The following DST variants were observed in gnomAD, a reference collection of about 807,000 sequenced individuals.
The protein encoded by DST is dystonin, also known as bullous pemphigoid antigen.
A neutral mutation model predicts 875.2 loss-of-function variants in DST; 253 were observed. That is an observed-to-expected ratio of 0.29 (90% CI 0.26 to 0.32). The LOEUF is 0.32. DST is among the 10% of genes least tolerant of loss of function. The probability of loss-of-function intolerance (pLI) is 1.00; values close to 1 mark genes in which losing one functional copy is unlikely to be tolerated. For synonymous variants in DST, 3,124 were observed against 3,197.1 expected, an observed-to-expected ratio of 0.98 and a Z score of 0.77; for missense variants, 8,287 against 9,111.6, an observed-to-expected ratio of 0.91 and a Z score of 3.68.
intron 15 of DST, chr6:56,642,804 G>A (rs746615493): frequency 8.7e-6 from 14 of 1,613,414 alleles, no homozygotes; most frequent in South Asian, 1.1e-5. Context: ...TTCCTGAAAC[G>A]ATGTTCTTTC....
intron 72 of DST, among the ~76,000 whole-genome samples, chr6:56,512,678 T>C (rs1162550952): frequency 2.0e-5 from 3 of 152,214 alleles, no homozygotes; most frequent in Admixed American, 1.3e-4. Flanking sequence ...TAGATTTTTA[T>C]TGAAAGTGTC....
At chr6:56,742,158 A>G (rs888441252) in intron 4 of DST, 3 of 607,836 alleles carry the variant, frequency 4.9e-6, no homozygotes, top group African/African-American at 1.9e-5. Flanking sequence ...CAGGTTTTCG[A>G]AAGATGCCCG....
At chr6:56,803,389 A>G (rs2099749550) in intron 4 of DST, among the ~76,000 whole-genome samples, 1 of 152,152 alleles carries the variant, frequency 6.6e-6, no homozygotes, top group African/African-American at 2.4e-5. Context: ...TAGTGACACT[A>G]TTGATTAAAT....
chr6:56,647,754 C>T (rs1201252967), intron 13 of DST, among the ~76,000 whole-genome samples: 2 of 150,408 alleles, frequency 1.3e-5, no homozygotes, highest in East Asian at 1.9e-4. Flanking sequence ...GATGCGATCT[C>T]GGCTTACTGC....
At chr6:56,550,289 A>G (rs1206623440) in intron 61 of DST, among the ~76,000 whole-genome samples, 2 of 152,108 alleles carry the variant, frequency 1.3e-5, no homozygotes, top group Admixed American at 6.6e-5. Flanking sequence ...GTATGCCATG[A>G]TGTTCTTTAT....
At chr6:56,643,079 T>A (rs536979698) in intron 15 of DST, 96 of 470,888 alleles carry the variant, frequency 2.0e-4, no homozygotes, top group African/African-American at 1.7e-3. Flanking sequence ...TGGGCGTCAC[T>A]GGAAAGGATA....
At chr6:56,526,295 CAGGTAAA>C in intron 69 of DST, 59 bp downstream of exon 69, 1 of 1,483,844 alleles carries the variant, frequency 6.7e-7, no homozygotes, top group South Asian at 1.2e-5. Context: ...CATCTTTGTT[CAGGTAAA>C]AGCTCCAAGA....
chr6:56,591,437 C>T (rs544008797), intron 49 of DST, among the ~76,000 whole-genome samples: 13 of 152,186 alleles, frequency 8.5e-5, no homozygotes, highest in Admixed American at 5.9e-4. Context: ...CTGTCCATTC[C>T]TTAACAAATA....
intron 90 of DST, among the ~76,000 whole-genome samples, chr6:56,478,784 G>T (rs2095301969): frequency 1.3e-5 from 2 of 152,146 alleles, no homozygotes; most frequent in African/African-American, 4.8e-5. Context: ...TATGTGAACA[G>T]GGGTGTTCAC....
intron 36 of DST, chr6:56,617,445 A>G (rs570121859): frequency 3.9e-6 from 6 of 1,553,738 alleles, no homozygotes; most frequent in African/African-American, 1.4e-5. Context: ...TAAAATGTTA[A>G]AAGTCACCTC....
chr6:56,557,279 A>C, intron 59 of DST, 40 bp downstream of exon 59: 2 of 1,568,180 alleles, frequency 1.3e-6, no homozygotes, highest in East Asian at 2.2e-5. Flanking sequence ...AGTAAGTCAA[A>C]TTGCTATGCA....
intron 45 of DST, among the ~76,000 whole-genome samples, chr6:56,599,214 T>C (rs10484858): frequency 0.37 from 56,483 of 151,896 alleles, 10,797 homozygotes; most frequent in Admixed American, 0.43. Context: ...TACCTCAAGA[T>C]TAAGATCTCT....
In DST at chr6:56,473,857, AT is replaced by A. The variant is rs1176758275; in HGVS notation, c.21994+15del. On this transcript the variant is annotated intron_variant, in intron 93 of 103. Coordinates refer to ENST00000680361, the MANE Select transcript of DST (RefSeq NM_001374736.1). ...CCTTATTTATTGACATTTTAAAGAA[AT>A]TGATCACTGCTTACTTCCTGCTCGT... The A allele has an allele frequency of 6.3e-7, 1 of 1,582,820 alleles. No individual in the cohort carries two copies. The highest frequency in any genetic ancestry group is 2.2e-5 in the East Asian group (1 of 44,590).
rs564174060 is a variant in DST at position 56,815,048 on chromosome 6, T to A, written c.625+36349A>T. ...TCTGCCACTCGCTATAATCCCGGTG[T>A]GGCCGTGGGCAAGTCGCTTATCCTC... On this transcript the variant is annotated intron_variant, in intron 4 of 103. Transcript: ENST00000680361. 7.2e-5 allele frequency among the ~76,000 whole-genome samples: 11 copies of A among 152,294 alleles called. No homozygotes were observed. The South Asian group carries it at 2.1e-3, about 29-fold the overall frequency.
At chr6:56,673,956 T>C (rs529527674) in intron 9 of DST, among the ~76,000 whole-genome samples, 1 of 152,312 alleles carries the variant, frequency 6.6e-6, no homozygotes, top group Admixed American at 6.5e-5. Context: ...CATTAGCCAC[T>C]AGTATATCAG....
rs1036573604 is a variant in DST, at chr6:56,851,266, T to C, written c.625+131A>G. 21 of 828,494 alleles carry C rather than the reference T, an allele frequency of 2.5e-5. No homozygotes were observed. The South Asian group carries it at 3.7e-4, about 14-fold the overall frequency. The allele number at this position is 828,494 out of a possible 1,614,324, so 51.3% of individuals were successfully genotyped here. A position where few individuals can be genotyped will look rare whatever the true frequency, so the allele number is the denominator to read the frequency against. ...ACAAGGCATAAAGTAAACATGGTCATCATCCTCCCCCACCTTGAGCACAGA... is the reference window on the plus strand; with the variant it reads ...ACAAGGCATAAAGTAAACATGGTCACCATCCTCCCCCACCTTGAGCACAGA... On this transcript the variant is annotated intron_variant, in intron 4 of 103. Coordinates refer to ENST00000680361, the MANE Select transcript of DST (RefSeq NM_001374736.1).
chr6:56,735,003 C>T lies in DST; in HGVS notation c.687+225G>A. 6.9e-6 allele frequency: 3 copies of T among 435,114 alleles called. No homozygotes were observed. The South Asian group carries it at 1.0e-4, about 15-fold the overall frequency. 27.0% of individuals were successfully genotyped at this position (435,114 alleles called of 1,614,324 possible). A position where few individuals can be genotyped will look rare whatever the true frequency, so the allele number is the denominator to read the frequency against. The stretch of plus-strand genomic sequence containing the variant: ...ATAGTAACAGGTTTTACTAACGTCA[C>T]AGAATGCACTGAAATCACTGGGTAC... On this transcript the variant is annotated intron_variant, in intron 5 of 103. Transcript: ENST00000680361.
At chr6:56,683,497 T>C (rs142652248) in intron 9 of DST, among the ~76,000 whole-genome samples, 1 of 152,286 alleles carries the variant, frequency 6.6e-6, no homozygotes, top group Non-Finnish European at 1.5e-5. Flanking sequence ...ATATGAACCA[T>C]ATGTTTCCTC....
intron 4 of DST, among the ~76,000 whole-genome samples, chr6:56,762,720 T>C (rs1267838314): frequency 6.6e-6 from 1 of 152,088 alleles, no homozygotes; most frequent in African/African-American, 2.4e-5. Context: ...TCTACACATA[T>C]TTTTGGATTT....
Sources: gnomAD v4.1 joint callset for allele counts (sites outside exome capture counted in the v4.1 genomes callset) on GRCh38, gnomAD v4.1.1 for gene constraint, MANE v1.5 for transcripts, NCBI Gene and HGNC (gene_info 2026-07-23, HGNC 2026-07-21) for gene names.